Variants in PTPRD observed in about 807,000 individuals in gnomAD.
PTPRD encodes the protein protein tyrosine phosphatase receptor type D.
Under a neutral mutation model 214.5 loss-of-function variants are expected in PTPRD, and 34 were observed. That is an observed-to-expected ratio of 0.16 (90% confidence interval 0.12 to 0.21). The LOEUF (loss-of-function observed/expected upper bound fraction) is 0.21, where lower values mean the gene tolerates loss of function less well. Ranked by LOEUF, PTPRD falls within the 10% of genes least tolerant of loss-of-function variation. The probability of loss-of-function intolerance (pLI) is 1.00; values close to 1 mark genes in which losing one functional copy is unlikely to be tolerated. For synonymous variants in PTPRD, 1,128 were observed against 845.7 expected, an observed-to-expected ratio of 1.33 and a Z score of -5.79; for missense variants, 2,545 against 2,398.7, an observed-to-expected ratio of 1.06 and a Z score of -1.27.
chr9:8,700,190 C>T (rs1263070012), intron 12 of PTPRD, among the ~76,000 whole-genome samples: 1 of 152,130 alleles, frequency 6.6e-6, no homozygotes, highest in African/African-American at 2.4e-5. Context: ...TTAATGGAAA[C>T]TATATAATTT....
chr9:10,331,166 A>G (rs763273372), intron 3 of PTPRD, among the ~76,000 whole-genome samples: 10 of 151,906 alleles, frequency 6.6e-5, no homozygotes, highest in Non-Finnish European at 1.0e-4. Flanking sequence ...CATAGTTTGT[A>G]TCATCATAGT....
chr9:10,555,972 A>C (rs1340350044), intron 2 of PTPRD, among the ~76,000 whole-genome samples: 1 of 152,182 alleles, frequency 6.6e-6, no homozygotes, highest in Non-Finnish European at 1.5e-5. Flanking sequence ...GTAAAAATGA[A>C]ATAGCATAGT....
chr9:9,814,117 A>C (rs1285489251), intron 5 of PTPRD, among the ~76,000 whole-genome samples: 1 of 152,136 alleles, frequency 6.6e-6, no homozygotes. Context: ...TAAAACTCTG[A>C]AGAATTTAGG....
At chr9:8,631,605 G>A (rs1564842228) in intron 14 of PTPRD, among the ~76,000 whole-genome samples, 1 of 151,908 alleles carries the variant, frequency 6.6e-6, no homozygotes. Flanking sequence ...CCTGAGTATT[G>A]CACAGTAGGA....
intron 5 of PTPRD, among the ~76,000 whole-genome samples, chr9:9,786,216 A>G (rs557764652): frequency 1.3e-5 from 2 of 151,092 alleles, no homozygotes; most frequent in South Asian, 4.2e-4. Flanking sequence ...CAGCTGTAAG[A>G]TGATTACATT....
intron 11 of PTPRD, among the ~76,000 whole-genome samples, chr9:8,991,314 A>G (rs1415462423): frequency 6.6e-6 from 1 of 152,030 alleles, no homozygotes; most frequent in Non-Finnish European, 1.5e-5. Flanking sequence ...AGGATTAAAT[A>G]AATTTGTTGT....
chr9:10,133,545 A>T (rs1009938504), intron 3 of PTPRD, among the ~76,000 whole-genome samples: 3 of 147,232 alleles, frequency 2.0e-5, no homozygotes, highest in Non-Finnish European at 4.5e-5. Flanking sequence ...TAAATAACTT[A>T]AAAGGTCTGT....
intron 10 of PTPRD, among the ~76,000 whole-genome samples, chr9:9,090,166 G>C (rs1181082691): frequency 6.6e-6 from 1 of 151,986 alleles, no homozygotes; most frequent in Non-Finnish European, 1.5e-5. Context: ...GAATTCCTAT[G>C]TTGTATGTTT....
intron 4 of PTPRD, among the ~76,000 whole-genome samples, chr9:9,963,956 T>G (rs1382264868): frequency 1.4e-5 from 2 of 147,892 alleles, no homozygotes; most frequent in African/African-American, 4.9e-5. Context: ...TCCATTTTTA[T>G]GAGCATTTCT....
chr9:9,855,719 G>C lies in PTPRD; in HGVS notation c.-368+82788C>G, dbSNP rs796666686. ...GCAACACGCAGGAGAGTGGGTGCAG[G>C]AGCCAGGGCGAACACTTTTGGGAGC... On this transcript the variant is annotated intron_variant, in intron 5 of 45. Transcript: ENST00000381196. Among the ~76,000 whole-genome samples the C allele has an allele frequency of 9.7e-4, 147 of 152,292 alleles. 1 individual carries two copies. The highest frequency in any genetic ancestry group is 3.5e-3 in the African/African-American group (146 of 41,568).
chr9:9,881,980 T>G (rs751895229), intron 5 of PTPRD, among the ~76,000 whole-genome samples: 1 of 152,074 alleles, frequency 6.6e-6, no homozygotes, highest in Non-Finnish European at 1.5e-5. Context: ...CCAACTTCCA[T>G]TGCTTTTCTC....
intron 9 of PTPRD, among the ~76,000 whole-genome samples, chr9:9,301,283 T>A (rs779581355): frequency 6.6e-6 from 1 of 151,852 alleles, no homozygotes; most frequent in Non-Finnish European, 1.5e-5. Flanking sequence ...AAAACAGATT[T>A]CATGCTATTT....
At chr9:8,843,937 C>G (rs991723097) in intron 11 of PTPRD, among the ~76,000 whole-genome samples, 1 of 152,292 alleles carries the variant, frequency 6.6e-6, no homozygotes, top group East Asian at 1.9e-4. Flanking sequence ...GAGGTTTACT[C>G]TCAGGTCCTT....
At chr9:10,083,123 C>G (rs147885669) in intron 3 of PTPRD, among the ~76,000 whole-genome samples, 1 of 151,934 alleles carries the variant, frequency 6.6e-6, no homozygotes, top group Non-Finnish European at 1.5e-5. Flanking sequence ...ATTCTATACC[C>G]TATAAAATAT....
At chr9:9,787,550 G>T (rs1436367752) in intron 5 of PTPRD, among the ~76,000 whole-genome samples, 1 of 151,564 alleles carries the variant, frequency 6.6e-6, no homozygotes, top group Non-Finnish European at 1.5e-5. Flanking sequence ...ATAAAGCAAA[G>T]GAAGGGTAAA....
At chr9:8,501,829 A>C (rs1371309549) in intron 23 of PTPRD, among the ~76,000 whole-genome samples, 1 of 152,186 alleles carries the variant, frequency 6.6e-6, no homozygotes, top group Non-Finnish European at 1.5e-5. Context: ...GTCAGCTTTC[A>C]GCTTTTTAAT....
chr9:9,493,367 G>C (rs1273216363), intron 8 of PTPRD, among the ~76,000 whole-genome samples: 2 of 152,180 alleles, frequency 1.3e-5, no homozygotes, highest in South Asian at 2.1e-4. Context: ...CAGGAACAGA[G>C]TCTACTAAGA....
At chr9:8,704,326 G>C (rs1200476740) in intron 12 of PTPRD, among the ~76,000 whole-genome samples, 1 of 152,022 alleles carries the variant, frequency 6.6e-6, no homozygotes. Flanking sequence ...AATCTCAGTA[G>C]GCATTTCTGA....
rs189282436 is a variant in PTPRD, at chr9:9,565,215, T to C, written c.-237+9517A>G. Among the ~76,000 whole-genome samples the C allele has an allele frequency of 2.6e-3, 399 of 152,048 alleles. 1 individual carries two copies. The highest frequency in any genetic ancestry group is 8.8e-3 in the African/African-American group (367 of 41,556). ...TATTTTATTAATTTACCTCACTTTT[T>C]GCAACTCTAAACAAACCTTTTTAAG... On this transcript the variant is annotated intron_variant, in intron 8 of 45. Coordinates refer to ENST00000381196, the MANE Select transcript of PTPRD (RefSeq NM_002839.4).
Sources: gnomAD v4.1 joint callset for allele counts (sites outside exome capture counted in the v4.1 genomes callset) on GRCh38, gnomAD v4.1.1 for gene constraint, MANE v1.5 for transcripts, NCBI Gene and HGNC (gene_info 2026-07-23, HGNC 2026-07-21) for gene names.